RBFOX1: variants seen among roughly 807,000 people sequenced by gnomAD.
RBFOX1 encodes RNA binding fox-1 homolog 1.
Under a neutral mutation model 57.7 loss-of-function variants are expected in RBFOX1, and 8 were observed. That is an observed-to-expected ratio of 0.14 (90% CI 0.08 to 0.25). RBFOX1 has a LOEUF of 0.25. Among genes scored for constraint, RBFOX1 ranks in the 10% least tolerant of loss-of-function variants. The probability of loss-of-function intolerance (pLI) is 1.00; values close to 1 mark genes in which losing one functional copy is unlikely to be tolerated. For missense variants in RBFOX1, 611 were observed against 548.5 expected, an observed-to-expected ratio of 1.11 and a Z score of -1.14; for synonymous variants, 326 against 222.4, an observed-to-expected ratio of 1.47 and a Z score of -4.15.
At chr16:5,828,696 A>G (rs145377491) in intron 3 of RBFOX1, among the ~76,000 whole-genome samples, 40 of 151,572 alleles carry the variant, frequency 2.6e-4, no homozygotes, top group East Asian at 2.5e-3. Context: ...TCCAAAAAAG[A>G]AAAGAAAAGA....
At chr16:6,840,733 A>G (rs963099668) in intron 3 of RBFOX1, among the ~76,000 whole-genome samples, 16 of 151,856 alleles carry the variant, frequency 1.1e-4, no homozygotes, top group Non-Finnish European at 1.9e-4. Context: ...CTACAAATAC[A>G]AAAATTAGAT....
In RBFOX1 at chr16:6,097,170, A is replaced by G. The variant is rs182072312; in HGVS notation, c.-127+77178A>G. Among the ~76,000 whole-genome samples, 39 of 152,222 alleles carry G rather than the reference A, an allele frequency of 2.6e-4. 1 individual carries two copies. The South Asian group carries it at 5.0e-3, about 19-fold the overall frequency. Reference sequence around the variant, plus strand: ...TATTCTTTCCTGTCTGCTGCCTTGTAAGACGTGACTTTCGCTTTCTGCCAT... The same window carrying G: ...TATTCTTTCCTGTCTGCTGCCTTGTGAGACGTGACTTTCGCTTTCTGCCAT... On this transcript the variant is annotated intron_variant, in intron 1 of 15. Transcript: ENST00000550418. The surrounding 1 kb of genome is among the most constrained non-coding windows in gnomAD (Gnocchi z 5.0).
At chr16:6,896,645 A>G (rs985993786) in intron 3 of RBFOX1, among the ~76,000 whole-genome samples, 2 of 152,210 alleles carry the variant, frequency 1.3e-5, no homozygotes, top group Admixed American at 6.5e-5. Context: ...AAACGCACTT[A>G]GAACAGTGCT....
chr16:6,663,948 C>A (rs1185833852), intron 3 of RBFOX1, among the ~76,000 whole-genome samples: 1 of 152,192 alleles, frequency 6.6e-6, no homozygotes, highest in Non-Finnish European at 1.5e-5. Flanking sequence ...AAGCTCAAAG[C>A]AGGCAAAGGC....
chr16:5,779,811 C>T (rs1050021996), intron 3 of RBFOX1, among the ~76,000 whole-genome samples: 1 of 152,184 alleles, frequency 6.6e-6, no homozygotes, highest in Non-Finnish European at 1.5e-5. Flanking sequence ...TGTCTAAGTT[C>T]AAACCCTAGC....
chr16:7,678,638 A>G (rs2073998166), intron 14 of RBFOX1, among the ~76,000 whole-genome samples: 1 of 152,186 alleles, frequency 6.6e-6, no homozygotes. Flanking sequence ...AAAAGATTAC[A>G]AAGATATGAT....
intron 5 of RBFOX1, among the ~76,000 whole-genome samples, chr16:7,570,785 A>G (rs916455645): frequency 2.0e-5 from 3 of 152,216 alleles, no homozygotes; most frequent in Non-Finnish European, 4.4e-5. Flanking sequence ...ACACATACAC[A>G]TGTATGTTCA....
intron 2 of RBFOX1, among the ~76,000 whole-genome samples, chr16:6,372,471 A>G (rs1352975728): frequency 6.8e-6 from 1 of 148,022 alleles, no homozygotes; most frequent in African/African-American, 2.5e-5. Flanking sequence ...GGGTAGGAGT[A>G]TTGTTGGATG....
At chr16:7,028,976 A>C (rs1475606947) in intron 3 of RBFOX1, among the ~76,000 whole-genome samples, 1 of 147,658 alleles carries the variant, frequency 6.8e-6, no homozygotes, top group African/African-American at 2.5e-5. Context: ...TGCTGTTTGG[A>C]AGACCAATCT....
rs539373248 is a variant in RBFOX1 at position 7,205,897 on chromosome 16, G to C, written c.27+153799G>C. The stretch of plus-strand genomic sequence containing the variant: ...CGCATCCAAAGCAAGGCAGCTATTA[G>C]TGGTGTCCCCACTTCGGTGTTTATG... On this transcript the variant is annotated intron_variant, in intron 4 of 15. Transcript: ENST00000550418. 8.5e-4 allele frequency among the ~76,000 whole-genome samples: 129 copies of C among 152,358 alleles called. 1 individual carries two copies. The highest frequency in any genetic ancestry group is 3.4e-3 in the Middle Eastern group (1 of 294).
intron 3 of RBFOX1, among the ~76,000 whole-genome samples, chr16:6,878,944 G>A (rs35138551): frequency 0.27 from 40,355 of 151,928 alleles, 5,597 homozygotes; most frequent in African/African-American, 0.33. Flanking sequence ...CCTATGTTAG[G>A]GGAGGAAATT....
chr16:5,351,642 G>T (rs1383332839), intron 1 of RBFOX1, among the ~76,000 whole-genome samples: 2 of 152,196 alleles, frequency 1.3e-5, no homozygotes, highest in African/African-American at 4.8e-5. Flanking sequence ...TGTACTCAAT[G>T]CCTGTGAGCT....
intron 4 of RBFOX1, among the ~76,000 whole-genome samples, chr16:7,082,410 G>A (rs1221413961): frequency 6.6e-6 from 1 of 151,818 alleles, no homozygotes; most frequent in Admixed American, 6.6e-5. Context: ...GCACAACCCT[G>A]CATCTACCAA....
intron 2 of RBFOX1, among the ~76,000 whole-genome samples, chr16:5,477,044 C>T (rs969409812): frequency 1.2e-4 from 18 of 152,136 alleles, no homozygotes; most frequent in Admixed American, 7.9e-4. Context: ...AGACAGGTCT[C>T]GCTCTGTCAC....
chr16:5,451,417 T>C (rs545156888), intron 1 of RBFOX1, among the ~76,000 whole-genome samples: 1 of 152,228 alleles, frequency 6.6e-6, no homozygotes, highest in Admixed American at 6.5e-5. Flanking sequence ...ATATGAGAAT[T>C]TAAAAAAGCA....
intron 2 of RBFOX1, among the ~76,000 whole-genome samples, chr16:5,487,857 T>C (rs889374267): frequency 6.6e-6 from 1 of 152,050 alleles, no homozygotes; most frequent in Admixed American, 6.6e-5. Context: ...GGCATGATGA[T>C]GATGATGTTG....
At chr16:6,105,132 T>G (rs1183641308) in intron 1 of RBFOX1, among the ~76,000 whole-genome samples, 2 of 152,220 alleles carry the variant, frequency 1.3e-5, no homozygotes, top group African/African-American at 2.4e-5. Context: ...ATCTTACAGC[T>G]CATCATTCCT....
chr16:5,796,417 G>A (rs2054880737), intron 3 of RBFOX1, among the ~76,000 whole-genome samples: 1 of 152,206 alleles, frequency 6.6e-6, no homozygotes, highest in Non-Finnish European at 1.5e-5. Flanking sequence ...CAGGGTTTGT[G>A]ATATGATCAG....
chr16:6,466,123 G>C (rs2095044336), intron 2 of RBFOX1, among the ~76,000 whole-genome samples: 2 of 151,740 alleles, frequency 1.3e-5, no homozygotes, highest in Non-Finnish European at 2.9e-5. Flanking sequence ...CAGCTACTTG[G>C]GAGGCTGAGG....
Sources: gnomAD v4.1 joint callset for allele counts (sites outside exome capture counted in the v4.1 genomes callset) on GRCh38, gnomAD v4.1.1 for gene constraint, Gnocchi (gnomAD v3.1) non-coding constraint, MANE v1.5 for transcripts, NCBI Gene and HGNC (gene_info 2026-07-23, HGNC 2026-07-21) for gene names.